FAM184B: variants seen among roughly 807,000 people sequenced by gnomAD.
FAM184B encodes family with sequence similarity 184 member B, also known as protein FAM184B.
A neutral mutation model predicts 135.9 loss-of-function variants in FAM184B; 111 were observed. That is an observed-to-expected ratio of 0.82 (90% confidence interval 0.70 to 0.96). FAM184B has a LOEUF of 0.96. FAM184B is among the 40% of genes least tolerant of loss of function. The pLI, the probability that FAM184B is intolerant of heterozygous loss-of-function variation, is 0.00. For synonymous variants in FAM184B, 552 were observed against 524.8 expected (o/e 1.05, Z -0.71); for missense variants, 1,375 against 1,323.9 (o/e 1.04, Z -0.60).
chr4:17,677,379 G>A (rs1716336277), intron 7 of FAM184B, among the ~76,000 whole-genome samples: 1 of 152,136 alleles, frequency 6.6e-6, no homozygotes, highest in Non-Finnish European at 1.5e-5. Context: ...AGCAATACTT[G>A]TTTCAATTGC....
intron 1 of FAM184B, among the ~76,000 whole-genome samples, chr4:17,780,174 G>A (rs957316813): frequency 2.6e-5 from 4 of 152,162 alleles, no homozygotes; most frequent in African/African-American, 9.7e-5. Flanking sequence ...TGGCGGGACA[G>A]GGGGAGGGGA....
At chr4:17,647,118 C>A (rs1237197703) in intron 12 of FAM184B, among the ~76,000 whole-genome samples, 1 of 129,426 alleles carries the variant, frequency 7.7e-6, no homozygotes, top group Non-Finnish European at 1.7e-5. Context: ...ACATGCAGCA[C>A]TTAAAACCTT....
chr4:17,655,146 G>T (rs2108939293), intron 10 of FAM184B, among the ~76,000 whole-genome samples: 1 of 152,292 alleles, frequency 6.6e-6, no homozygotes, highest in Admixed American at 6.5e-5. Flanking sequence ...ATGCCTGATT[G>T]CGAGTTTATT....
At position 17,733,768 on chromosome 4, in the gene FAM184B, T is replaced by G. The variant is rs61581891; in HGVS notation, c.142-24124A>C. Among the ~76,000 whole-genome samples, 1,291 of 152,206 alleles carry G rather than the reference T, an allele frequency of 8.5e-3. 16 individuals carry two copies. The highest frequency in any genetic ancestry group is 0.028 in the African/African-American group (1,170 of 41,536). On this transcript the variant is annotated intron_variant, in intron 1 of 17. Coordinates refer to ENST00000265018, the MANE Select transcript of FAM184B (RefSeq NM_015688.2). ...GGCCATATTCCCAAGGTAATTTATA[T>G]ATTCAATGCCATCCCTATCAAGCTA...
At position 17,636,642 on chromosome 4, in the gene FAM184B, C is replaced by A; in HGVS notation, c.2670G>T (p.Leu890=). The part of the protein sequence containing the change: ...QARLAALEAE[L]KDSGEKPGKG... ...TCCCTGGCTTCTCTCCGGAATCTTTCAGTCTGTTCCAAGCAGGCATGCAGT... is the reference window on the plus strand; with the variant it reads ...TCCCTGGCTTCTCTCCGGAATCTTTAAGTCTGTTCCAAGCAGGCATGCAGT... Residue 890 remains leucine (L), a synonymous_variant, in exon 15 of 18, where the codon CTG becomes CTT. Transcript: ENST00000265018. The A allele has an allele frequency of 6.5e-7, 1 of 1,547,810 alleles. No homozygotes were observed. The highest frequency in any genetic ancestry group is 8.7e-7 in the Non-Finnish European group (1 of 1,145,820).
chr4:17,778,535 T>C (rs1231373535), intron 1 of FAM184B, among the ~76,000 whole-genome samples: 2 of 152,184 alleles, frequency 1.3e-5, no homozygotes, highest in Admixed American at 6.6e-5. Flanking sequence ...TTTAATTAAC[T>C]TTTAACTATA....
intron 6 of FAM184B, among the ~76,000 whole-genome samples, chr4:17,690,204 G>A (rs546234039): frequency 6.6e-6 from 1 of 152,262 alleles, no homozygotes; most frequent in South Asian, 2.1e-4. Context: ...CATTCAAGCA[G>A]CTTAAGGGCA....
intron 12 of FAM184B, among the ~76,000 whole-genome samples, chr4:17,643,145 T>C (rs2108931562): frequency 6.6e-6 from 1 of 152,220 alleles, no homozygotes; most frequent in East Asian, 1.9e-4. Flanking sequence ...CCTTGACCAA[T>C]GGAGGACAGA....
Position 17,741,747 on chromosome 4 carries a change from G to A in FAM184B, c.142-32103C>T, listed in dbSNP as rs182113907. ...GTCCTAGGCAATATGGACTGACATG[G>A]ACATAAACCCGGAGGACACTCTCCT... is the stretch of plus-strand genomic sequence containing the variant. On this transcript the variant is annotated intron_variant, in intron 1 of 17. Coordinates refer to ENST00000265018, the MANE Select transcript of FAM184B (RefSeq NM_015688.2). Among the ~76,000 whole-genome samples the A allele has an allele frequency of 1.8e-4, 27 of 152,138 alleles. No homozygotes were observed. In the East Asian group the frequency reaches 4.1e-3, roughly 23 times the overall value.
At chr4:17,663,392 G>C (rs569411266) in intron 8 of FAM184B, among the ~76,000 whole-genome samples, 1 of 152,054 alleles carries the variant, frequency 6.6e-6, no homozygotes, top group South Asian at 2.1e-4. Flanking sequence ...AGAAATAAAG[G>C]GGATCCAAAT....
chr4:17,653,089 C>T (rs1373147524), intron 10 of FAM184B, 106 bp from the exon 11 acceptor site: 4 of 1,101,366 alleles, frequency 3.6e-6, no homozygotes, highest in Non-Finnish European at 5.3e-6. Flanking sequence ...AACACTCGCA[C>T]TCTCCCATGG....
chr4:17,741,745 T>A (rs1197606035), intron 1 of FAM184B, among the ~76,000 whole-genome samples: 1 of 152,078 alleles, frequency 6.6e-6, no homozygotes, highest in Non-Finnish European at 1.5e-5. Flanking sequence ...TGGACTGACA[T>A]GGACATAAAC....
chr4:17,722,779 T>A lies in FAM184B; in HGVS notation c.142-13135A>T, dbSNP rs144523913. Among the ~76,000 whole-genome samples, 28 of 152,342 alleles carry A rather than the reference T, an allele frequency of 1.8e-4. No homozygotes were observed. In the East Asian group the frequency reaches 5.4e-3, roughly 29 times the overall value. ...TTGTTTATTTCAAATCTCGAATGAC[T>A]TGCTTAGAGTTTTTGGAAAGCACCT... On this transcript the variant is annotated intron_variant, in intron 1 of 17. Transcript: ENST00000265018.
chr4:17,658,200 T>C, intron 10 of FAM184B, 150 bp downstream of exon 10: 1 of 795,162 alleles, frequency 1.3e-6, no homozygotes, highest in Non-Finnish European at 2.0e-6. Flanking sequence ...TGAGCCTCTT[T>C]CTTCATCTGG....
intron 11 of FAM184B, among the ~76,000 whole-genome samples, chr4:17,652,049 A>G (rs1049203055): frequency 9.2e-5 from 14 of 152,138 alleles, no homozygotes; most frequent in African/African-American, 9.7e-5. Flanking sequence ...GTTACATGCA[A>G]TAATAATGAT....
At chr4:17,680,835 C>G (rs1472222195) in intron 7 of FAM184B, among the ~76,000 whole-genome samples, 2 of 152,124 alleles carry the variant, frequency 1.3e-5, no homozygotes, top group African/African-American at 4.8e-5. Flanking sequence ...GTTATTTAAC[C>G]TTTTCTGGAT....
rs890346507 is a variant in FAM184B, at chr4:17,635,097, T to C, written c.2801A>G (p.His934Arg). The C allele has an allele frequency of 2.6e-6, 4 of 1,551,424 alleles. No individual in the cohort carries two copies. The highest frequency in any genetic ancestry group is 2.0e-5 in the Admixed American group (1 of 50,962). ...CATGGCACTGGGGAATGCTGCGTAGTGAAATCTTCTCTCTTCCTAGAAAAC... is the reference window on the plus strand; with the variant it reads ...CATGGCACTGGGGAATGCTGCGTAGCGAAATCTTCTCTCTTCCTAGAAAAC... ...IKQLTEERRF[H>R]YAAFPSAMSH... Residue 934 changes from histidine (H) to arginine (R), a missense_variant, in exon 16 of 18, where the codon CAC becomes CGC. Coordinates refer to ENST00000265018, the MANE Select transcript of FAM184B (RefSeq NM_015688.2).
At chr4:17,637,648 G>A (rs145118516) in intron 14 of FAM184B, among the ~76,000 whole-genome samples, 2 of 140,028 alleles carry the variant, frequency 1.4e-5, no homozygotes, top group Admixed American at 7.5e-5. Flanking sequence ...GCTGGCTTTT[G>A]GATGATTTGC....
chr4:17,650,319 T>G (rs550866356), intron 11 of FAM184B, among the ~76,000 whole-genome samples: 1 of 151,656 alleles, frequency 6.6e-6, no homozygotes, highest in Non-Finnish European at 1.5e-5. Flanking sequence ...AGAAGAAGAA[T>G]AATCAGCATC....
Sources: allele counts gnomAD v4.1 joint callset (sites outside exome capture counted in the v4.1 genomes callset), GRCh38; gene constraint gnomAD v4.1.1; transcripts MANE v1.5; gene names NCBI Gene and HGNC (gene_info 2026-07-23, HGNC 2026-07-21).